The following TBX5 variants were observed in gnomAD, a reference collection of about 807,000 sequenced individuals.
The protein encoded by TBX5 is T-box transcription factor TBX5.
In TBX5, 8 loss-of-function variants were observed where a neutral mutation model predicts 51.1. That is an observed-to-expected ratio of 0.16 (90% CI 0.09 to 0.28). TBX5 has a LOEUF of 0.28. Among genes scored for constraint, TBX5 ranks in the 10% least tolerant of loss-of-function variants. TBX5 has a pLI of 1.00. For missense variants in TBX5, 589 were observed against 671.7 expected, an observed-to-expected ratio of 0.88 and a Z score of 1.36; for synonymous variants, 302 against 266.4, an observed-to-expected ratio of 1.13 and a Z score of -1.30.
intron 7 of TBX5, among the ~76,000 whole-genome samples, chr12:114,383,668 C>A (rs1290415632): frequency 6.6e-6 from 1 of 152,136 alleles, no homozygotes; most frequent in Non-Finnish European, 1.5e-5. Context: ...AGAATTAGCA[C>A]CCTGGCAGAA....
intron 8 of TBX5, among the ~76,000 whole-genome samples, chr12:114,358,706 C>G (rs1453983968): frequency 6.6e-6 from 1 of 152,074 alleles, no homozygotes; most frequent in Non-Finnish European, 1.5e-5. Flanking sequence ...TCATGCCAAC[C>G]ATGCAGATGT....
intron 4 of TBX5, 53 bp downstream of exon 4, chr12:114,399,460 G>A (rs1871654462): frequency 3.1e-6 from 5 of 1,612,294 alleles, no homozygotes; most frequent in Admixed American, 1.7e-5. Flanking sequence ...AACTTTTTGG[G>A]AGAAGGTTCC....
rs150193890 is a variant in TBX5, at chr12:114,395,213, G to C, written c.511-320C>G. Among the ~76,000 whole-genome samples the C allele has an allele frequency of 1.3e-3, 193 of 152,230 alleles. 1 individual carries two copies. Among genetic ancestry groups the C allele is most frequent in the Non-Finnish European group, 2.4e-3 (166 of 68,016 alleles). On this transcript the variant is annotated intron_variant, in intron 5 of 8. Coordinates refer to ENST00000405440, the MANE Select transcript of TBX5 (RefSeq NM_181486.4). ...GCACTTCCCACCCCCAACGGGAGCT[G>C]AGCAAGTCTGGATCGAGGAATCCGC...
chr12:114,356,169 A>G, intron 8 of TBX5, 63 bp from the exon 9 acceptor site: 1 of 1,534,258 alleles, frequency 6.5e-7, no homozygotes, highest in Non-Finnish European at 8.9e-7. Context: ...AAAAGTGGAG[A>G]CAGTTATTTG....
intron 8 of TBX5, among the ~76,000 whole-genome samples, chr12:114,358,869 T>C (rs1245422616): frequency 6.6e-6 from 1 of 152,094 alleles, no homozygotes; most frequent in Non-Finnish European, 1.5e-5. Flanking sequence ...CCTCCCTTGA[T>C]TCCTTTCCTT....
At chr12:114,360,370 A>G in intron 8 of TBX5, among the ~76,000 whole-genome samples, 1 of 106,684 alleles carries the variant, frequency 9.4e-6, no homozygotes, top group African/African-American at 3.7e-5. Flanking sequence ...ATGGGAGGAT[A>G]GATGTATGGG....
At chr12:114,363,997 A>C (rs1208397170) in intron 8 of TBX5, among the ~76,000 whole-genome samples, 3 of 152,182 alleles carry the variant, frequency 2.0e-5, no homozygotes, top group Non-Finnish European at 2.9e-5. Context: ...TGTTGGAGTG[A>C]TATTGTTCAG....
chr12:114,374,106 G>A (rs1358710660), intron 7 of TBX5, among the ~76,000 whole-genome samples: 1 of 152,226 alleles, frequency 6.6e-6, no homozygotes, highest in African/African-American at 2.4e-5. Flanking sequence ...TCGCTTCTGA[G>A]GATGACCTTG....
At chr12:114,391,703 G>A (rs558688883) in intron 6 of TBX5, among the ~76,000 whole-genome samples, 2 of 152,290 alleles carry the variant, frequency 1.3e-5, no homozygotes, top group African/African-American at 2.4e-5. Flanking sequence ...TGGCTTCTAC[G>A]CATGAAGTCA....
chr12:114,405,720 G>C lies in TBX5; in HGVS notation c.-131C>G, dbSNP rs1357728351. The stretch of plus-strand genomic sequence containing the variant: ...GCGGGGGAGCAGGCATGGTGGCTCC[G>C]GGGTTTATGCGGGGTTTACTGCTTA... On this transcript the variant is annotated 5_prime_UTR_variant, in exon 1 of 9. Transcript: ENST00000405440. The C allele has an allele frequency of 2.0e-6, 2 of 985,456 alleles. No homozygotes were observed. Among genetic ancestry groups the C allele is most frequent in the African/African-American group, 1.7e-5 (1 of 57,232 alleles). 61.0% of individuals were successfully genotyped at this position (985,456 alleles called of 1,614,324 possible).
intron 8 of TBX5, among the ~76,000 whole-genome samples, chr12:114,364,524 T>C (rs1253006040): frequency 6.6e-6 from 1 of 152,216 alleles, no homozygotes; most frequent in Non-Finnish European, 1.5e-5. Flanking sequence ...AATTTTTAAA[T>C]TGCAAAGGTG....
intron 7 of TBX5, among the ~76,000 whole-genome samples, chr12:114,368,730 T>C (rs1895584): frequency 0.095 from 14,464 of 152,240 alleles, 910 homozygotes; most frequent in Middle Eastern, 0.15. Flanking sequence ...TGTGTGAACA[T>C]CTCCACCCTA....
At chr12:114,407,207 C>T (rs1004590696), upstream of TBX5, 3 of 691,450 alleles carry the variant, frequency 4.3e-6, no homozygotes, top group Non-Finnish European at 5.3e-6. Context: ...GTGGGGCAAC[C>T]GGGGAGAAAG....
chr12:114,363,510 T>C (rs1011280647), intron 8 of TBX5, among the ~76,000 whole-genome samples: 2 of 152,216 alleles, frequency 1.3e-5, no homozygotes, highest in Non-Finnish European at 2.9e-5. Flanking sequence ...CTGGCATTAA[T>C]TTAATCGATT....
intron 8 of TBX5, among the ~76,000 whole-genome samples, chr12:114,359,586 A>G (rs1247746688): frequency 6.6e-6 from 1 of 152,150 alleles, no homozygotes; most frequent in Admixed American, 6.5e-5. Context: ...GGTAACAGTA[A>G]ATTCTTCCTG....
chr12:114,403,010 G>A (rs577856167), intron 2 of TBX5, among the ~76,000 whole-genome samples: 1 of 152,344 alleles, frequency 6.6e-6, no homozygotes, highest in Non-Finnish European at 1.5e-5. Flanking sequence ...CACCCCATGT[G>A]ACACCTTATT....
intron 7 of TBX5, among the ~76,000 whole-genome samples, chr12:114,381,888 A>G (rs1448255911): frequency 1.3e-5 from 2 of 152,202 alleles, no homozygotes; most frequent in South Asian, 2.1e-4. Flanking sequence ...TAACATGGCC[A>G]CAAAGACACA....
At chr12:114,392,115 G>A (rs957049093) in intron 6 of TBX5, among the ~76,000 whole-genome samples, 10 of 150,406 alleles carry the variant, frequency 6.6e-5, no homozygotes, top group East Asian at 3.9e-4. Context: ...ATCCAAATGC[G>A]TATTTGGAGA....
intron 6 of TBX5, among the ~76,000 whole-genome samples, chr12:114,387,064 C>A (rs1273438797): frequency 6.6e-6 from 1 of 152,094 alleles, no homozygotes; most frequent in Non-Finnish European, 1.5e-5. Context: ...CGAGATCACA[C>A]CACTGTACTC....
Sources: allele counts gnomAD v4.1 joint callset (sites outside exome capture counted in the v4.1 genomes callset), GRCh38; gene constraint gnomAD v4.1.1; transcripts MANE v1.5; gene names NCBI Gene and HGNC (gene_info 2026-07-23, HGNC 2026-07-21).